DOCK1: variants seen among roughly 807,000 people sequenced by gnomAD.
The protein encoded by DOCK1 is dedicator of cytokinesis 1.
A neutral mutation model predicts 262.7 loss-of-function variants in DOCK1; 138 were observed. The observed-to-expected ratio is 0.53, with a 90% CI of 0.46 to 0.61. The LOEUF is 0.61. DOCK1 is among the 20% of genes least tolerant of loss of function. DOCK1 has a pLI of 0.00. For synonymous variants in DOCK1, 866 were observed against 867.4 expected (o/e 1.00, Z 0.03); for missense variants, 1,908 against 2,370.7 (o/e 0.80, Z 4.05).
chr10:127,127,090 G>A (rs1250050916), intron 26 of DOCK1, among the ~76,000 whole-genome samples: 1 of 152,178 alleles, frequency 6.6e-6, no homozygotes, highest in African/African-American at 2.4e-5. Context: ...AGCTCACAGA[G>A]GAGGTGGTGA....
chr10:126,919,959 G>GTT (rs2033011228), intron 1 of DOCK1, among the ~76,000 whole-genome samples: 1 of 152,156 alleles, frequency 6.6e-6, no homozygotes, highest in South Asian at 2.1e-4. Flanking sequence ...GGGGAGTTAC[G>GTT]TCTTGGAGGG....
At chr10:126,997,720 A>C (rs931354843) in intron 7 of DOCK1, 4 of 236,980 alleles carry the variant, frequency 1.7e-5, no homozygotes, top group African/African-American at 8.8e-5. Flanking sequence ...CTGAGCATCT[A>C]CTGTGTACCA....
intron 25 of DOCK1, among the ~76,000 whole-genome samples, chr10:127,124,667 C>T (rs930237740): frequency 2.0e-5 from 3 of 152,190 alleles, no homozygotes; most frequent in African/African-American, 4.8e-5. Context: ...GGGGCCTCTG[C>T]ACCTGCTTTT....
intron 29 of DOCK1, chr10:127,272,045 G>T (rs2060588833): frequency 6.6e-6 from 1 of 152,202 alleles, no homozygotes. Flanking sequence ...CACAACTGCA[G>T]GAGGATGGAG....
At chr10:126,979,521 G>T (rs1409190530) in intron 3 of DOCK1, among the ~76,000 whole-genome samples, 1 of 152,102 alleles carries the variant, frequency 6.6e-6, no homozygotes, top group Admixed American at 6.5e-5. Flanking sequence ...TGTGCCCCAG[G>T]CAAGCTGTTC....
At chr10:127,180,598 C>T (rs956800436) in intron 27 of DOCK1, among the ~76,000 whole-genome samples, 1 of 152,274 alleles carries the variant, frequency 6.6e-6, no homozygotes, top group East Asian at 1.9e-4. Flanking sequence ...ATAAACCCTG[C>T]ATTTTTAGAT....
At chr10:127,156,014 A>ATCC (rs1369329235) in intron 27 of DOCK1, among the ~76,000 whole-genome samples, 12 of 152,304 alleles carry the variant, frequency 7.9e-5, no homozygotes. Context: ...TGCTAGTCAT[A>ATCC]TCCAAATTTT....
At chr10:126,986,041 A>G (rs1156922985) in intron 4 of DOCK1, among the ~76,000 whole-genome samples, 1 of 151,912 alleles carries the variant, frequency 6.6e-6, no homozygotes, top group Non-Finnish European at 1.5e-5. Context: ...TTTAGTAGAG[A>G]CGGGGTTTCA....
intron 29 of DOCK1, among the ~76,000 whole-genome samples, chr10:127,324,853 T>G (rs2062690154): frequency 6.6e-6 from 1 of 152,202 alleles, no homozygotes. Context: ...TGATAAATGA[T>G]TCATCAGAAG....
chr10:127,254,906 A>T (rs2059777365), intron 28 of DOCK1, among the ~76,000 whole-genome samples: 1 of 152,174 alleles, frequency 6.6e-6, no homozygotes, highest in Admixed American at 6.5e-5. Flanking sequence ...ACAAGAAAGG[A>T]CAAGGATGGA....
intron 29 of DOCK1, among the ~76,000 whole-genome samples, chr10:127,272,941 C>T (rs1330966883): frequency 1.3e-5 from 2 of 152,152 alleles, no homozygotes; most frequent in Non-Finnish European, 2.9e-5. Context: ...AATTACTTCC[C>T]ACCAGGTCCC....
intron 1 of DOCK1, among the ~76,000 whole-genome samples, chr10:126,925,333 C>A (rs1389670437): frequency 6.6e-6 from 1 of 152,210 alleles, no homozygotes; most frequent in Non-Finnish European, 1.5e-5. Context: ...TTTTATCCAT[C>A]AGATCTCTTG....
rs2035378094 is a variant in DOCK1 at position 126,946,090 on chromosome 10, A to T, written c.47-24612A>T. On this transcript the variant is annotated intron_variant, in intron 1 of 51. Coordinates refer to ENST00000623213, the MANE Select transcript of DOCK1 (RefSeq NM_001290223.2). ...CAGTGGTTTTTGGCATATTACATTA[A>T]TTTTTTAAATTTATGGGAAAAATAT... is the stretch of plus-strand genomic sequence containing the variant. Among the ~76,000 whole-genome samples, 3 of 152,148 alleles carry T rather than the reference A, an allele frequency of 2.0e-5. No individual in the cohort carries two copies. The South Asian group carries it at 6.2e-4, about 32-fold the overall frequency.
chr10:127,331,758 C>A lies in DOCK1; in HGVS notation c.3045-7248C>A, dbSNP rs935899064. On this transcript the variant is annotated intron_variant, in intron 29 of 51. Transcript: ENST00000623213. ...TTCATAGCAACATTTTTCACAGTTG[C>A]GAAAAGGTAGAAGTACTCAAGTGTC... 2.6e-5 allele frequency among the ~76,000 whole-genome samples: 4 copies of A among 152,158 alleles called. No homozygotes were observed. In the East Asian group the frequency reaches 7.7e-4, roughly 29 times the overall value.
chr10:126,912,332 A>T (rs2031895774), intron 1 of DOCK1, among the ~76,000 whole-genome samples: 1 of 151,716 alleles, frequency 6.6e-6, no homozygotes, highest in African/African-American at 2.4e-5. Context: ...GGGGAGGCTG[A>T]GGCAGGAGAA....
chr10:126,975,614 A>G (rs1432740715), intron 2 of DOCK1, among the ~76,000 whole-genome samples: 1 of 145,690 alleles, frequency 6.9e-6, no homozygotes, highest in African/African-American at 2.5e-5. Flanking sequence ...AACTTTGCTC[A>G]TTTTCTTTCT....
chr10:127,070,218 C>T (rs989438080), intron 23 of DOCK1, among the ~76,000 whole-genome samples: 4 of 148,786 alleles, frequency 2.7e-5, no homozygotes, highest in African/African-American at 9.9e-5. Context: ...AAAACATTCA[C>T]AGGTCCCAAG....
At chr10:127,387,849 A>G (rs1443664041) in intron 38 of DOCK1, among the ~76,000 whole-genome samples, 1 of 119,272 alleles carries the variant, frequency 8.4e-6, no homozygotes, top group Non-Finnish European at 1.7e-5. Context: ...ATAAATCAAA[A>G]AACAGAGTCT....
intron 35 of DOCK1, among the ~76,000 whole-genome samples, chr10:127,376,306 A>T (rs2065486701): frequency 6.6e-6 from 1 of 152,224 alleles, no homozygotes; most frequent in Admixed American, 6.5e-5. Context: ...GGTCTCATCA[A>T]TCAACTGGAC....
Sources: gnomAD v4.1 joint callset for allele counts (sites outside exome capture counted in the v4.1 genomes callset) on GRCh38, gnomAD v4.1.1 for gene constraint, MANE v1.5 for transcripts, NCBI Gene and HGNC (gene_info 2026-07-23, HGNC 2026-07-21) for gene names.